Variants in CEACAM21 observed in about 807,000 individuals in gnomAD.
CEACAM21 encodes cell adhesion molecule CEACAM21.
CEACAM21 carries 38 observed loss-of-function variants against 33.2 expected under a neutral mutation model. The observed-to-expected ratio is 1.14, with a 90% CI of 0.88 to 1.50. CEACAM21 has a LOEUF of 1.50. Ranked by LOEUF, CEACAM21 falls within the 40% of genes most tolerant of loss-of-function variation. CEACAM21 has a pLI of 0.00. For synonymous variants in CEACAM21, 156 were observed against 143.0 expected (o/e 1.09, Z -0.65); for missense variants, 385 against 364.6 (o/e 1.06, Z -0.46).
chr19:41,569,095 T>C (rs988735814), intron 2 of CEACAM21, among the ~76,000 whole-genome samples: 4 of 152,376 alleles, frequency 2.6e-5, no homozygotes, highest in Middle Eastern at 3.4e-3. Flanking sequence ...TAGCTAAGAA[T>C]AAATTGTATT....
In CEACAM21 at chr19:41,564,331, ATTATTTATTTAT is replaced by A. The variant is rs60410378; in HGVS notation, c.-778-325_-778-314del. Reference sequence around the variant, plus strand: ...ATAAAGACCAAGGAGTGAGTTATTTATTATTTATTTATTTATTTATTTATTTATTTATTTATT... The same window carrying A: ...ATAAAGACCAAGGAGTGAGTTATTTATTATTTATTTATTTATTTATTTATT... On this transcript the variant is annotated intron_variant, in intron 1 of 7. Coordinates refer to the CEACAM21 transcript ENST00000407170. Among the ~76,000 whole-genome samples the A allele has an allele frequency of 8.8e-4, 131 of 148,424 alleles. No individual in the cohort carries two copies. The East Asian group carries it at 0.013, about 15-fold the overall frequency.
At chr19:41,561,318 A>C (rs1236101754) in intron 1 of CEACAM21, among the ~76,000 whole-genome samples, 2 of 152,130 alleles carry the variant, frequency 1.3e-5, no homozygotes, top group African/African-American at 4.8e-5. Context: ...ATTAAAAAAA[A>C]TTTGTAATAG....
upstream of CEACAM21, among the ~76,000 whole-genome samples, chr19:41,571,828 T>C (rs1555789580): frequency 6.6e-6 from 1 of 152,060 alleles, no homozygotes; most frequent in Non-Finnish European, 1.5e-5. Flanking sequence ...ATTTAGGGAG[T>C]AGAGAGGAGA....
At chr19:41,577,668 G>A in intron 2 of CEACAM21, 109 bp downstream of exon 2, 2 of 1,521,516 alleles carry the variant, frequency 1.3e-6, no homozygotes, top group Middle Eastern at 2.2e-4. Flanking sequence ...TACGTCCCAT[G>A]TTGGGGTTTG....
chr19:41,555,450 A>G (rs2041476750), intron 1 of CEACAM21: 1 of 151,902 alleles, frequency 6.6e-6, no homozygotes, highest in African/African-American at 2.4e-5. Context: ...TTTAATTTTA[A>G]CAAACTGTCT....
At chr19:41,559,398 T>G (rs1204971298) in intron 1 of CEACAM21, among the ~76,000 whole-genome samples, 1 of 152,200 alleles carries the variant, frequency 6.6e-6, no homozygotes, top group Non-Finnish European at 1.5e-5. Context: ...TAAAAGCACA[T>G]AGGGTGTAGC....
intron 1 of CEACAM21, 76 bp from the exon 2 acceptor site, chr19:41,577,124 G>A: frequency 6.5e-7 from 1 of 1,547,844 alleles, no homozygotes; most frequent in Non-Finnish European, 8.9e-7. Flanking sequence ...GGGGTGAAGA[G>A]ACCTGCACCC....
intron 1 of CEACAM21, among the ~76,000 whole-genome samples, chr19:41,552,650 G>T (rs1555784639): frequency 1.3e-5 from 2 of 152,140 alleles, no homozygotes; most frequent in African/African-American, 2.4e-5. Flanking sequence ...AGAATCATAG[G>T]GAGATGGAGC....
intron 3 of CEACAM21, among the ~76,000 whole-genome samples, chr19:41,581,248 A>G (rs1250054384): frequency 2.6e-5 from 4 of 152,270 alleles, no homozygotes; most frequent in Non-Finnish European, 4.4e-5. Context: ...AGCATGAGCA[A>G]TCTGCATCTT....
At chr19:41,563,294 G>A (rs1555787358) in intron 1 of CEACAM21, among the ~76,000 whole-genome samples, 2 of 152,130 alleles carry the variant, frequency 1.3e-5, no homozygotes, top group Non-Finnish European at 2.9e-5. Context: ...CAGCAGCCCA[G>A]CCAGGTCCTA....
chr19:41,555,245 T>C (rs1215897303), intron 1 of CEACAM21: 1 of 151,428 alleles, frequency 6.6e-6, no homozygotes, highest in Non-Finnish European at 1.5e-5. Flanking sequence ...AATGCTTCAC[T>C]CATCTACTCC....
At chr19:41,559,046 T>C (rs1163496413) in intron 1 of CEACAM21, among the ~76,000 whole-genome samples, 7 of 152,184 alleles carry the variant, frequency 4.6e-5, no homozygotes, top group Non-Finnish European at 1.5e-5. Flanking sequence ...AATTGATAAA[T>C]CAAGCAGTCA....
chr19:41,585,637 C>G (rs2070679801), intron 5 of CEACAM21, 142 bp downstream of exon 5: 1 of 1,100,288 alleles, frequency 9.1e-7, no homozygotes, highest in African/African-American at 1.6e-5. Context: ...CACAGGAAAC[C>G]CCAACTGGCC....
At chr19:41,581,293 C>A (rs1377660125) in intron 3 of CEACAM21, among the ~76,000 whole-genome samples, 3 of 152,234 alleles carry the variant, frequency 2.0e-5, no homozygotes, top group Non-Finnish European at 4.4e-5. Context: ...ACTAGCCCAA[C>A]CTATTCCTTT....
chr19:41,563,045 A>T (rs1555787283), intron 1 of CEACAM21, among the ~76,000 whole-genome samples: 1 of 152,166 alleles, frequency 6.6e-6, no homozygotes, highest in Non-Finnish European at 1.5e-5. Flanking sequence ...TTCATTTTCA[A>T]GAAGTTTAAA....
At chr19:41,560,842 G>T (rs782747915) in intron 1 of CEACAM21, among the ~76,000 whole-genome samples, 1 of 152,258 alleles carries the variant, frequency 6.6e-6, no homozygotes, top group Admixed American at 6.5e-5. Flanking sequence ...ATCTAAAAAA[G>T]AGCGTCTACA....
intron 2 of CEACAM21, among the ~76,000 whole-genome samples, chr19:41,578,442 G>T (rs873910): frequency 0.42 from 64,017 of 151,832 alleles, 17,727 homozygotes; most frequent in African/African-American, 0.79. Context: ...CCATTGACAT[G>T]TACCCCATTT....
intron 2 of CEACAM21, among the ~76,000 whole-genome samples, chr19:41,566,564 T>C (rs117550115): frequency 6.6e-6 from 1 of 152,226 alleles, no homozygotes; most frequent in Non-Finnish European, 1.5e-5. Flanking sequence ...TAATTCTGAA[T>C]TTGGTTCACT....
intron 2 of CEACAM21, among the ~76,000 whole-genome samples, chr19:41,567,641 C>T (rs1037075702): frequency 1.1e-4 from 17 of 152,176 alleles, no homozygotes; most frequent in Admixed American, 7.9e-4. Context: ...TTTAGGGTCA[C>T]CTATATTTGG....
Sources: allele counts gnomAD v4.1 joint callset (sites outside exome capture counted in the v4.1 genomes callset), GRCh38; gene constraint gnomAD v4.1.1; transcripts MANE v1.5; gene names NCBI Gene and HGNC (gene_info 2026-07-23, HGNC 2026-07-21).